MYLK4: variants seen among roughly 807,000 people sequenced by gnomAD.
MYLK4 encodes myosin light chain kinase family member 4, also known as caMLCK like.
MYLK4 carries 46 observed loss-of-function variants against 48.1 expected under a neutral mutation model. The ratio of observed to expected loss-of-function variants is 0.96; its 90% CI spans 0.75 to 1.22. The LOEUF is 1.22. Among genes scored for constraint, MYLK4 ranks in the 50% most tolerant of loss-of-function variants. The pLI, the probability that MYLK4 is intolerant of heterozygous loss-of-function variation, is 0.00. For synonymous variants in MYLK4, 170 were observed against 180.8 expected, an observed-to-expected ratio of 0.94 and a Z score of 0.48; for missense variants, 451 against 486.1, an observed-to-expected ratio of 0.93 and a Z score of 0.68.
chr6:2,701,602 T>C (rs1172834511), intron 2 of MYLK4, among the ~76,000 whole-genome samples: 1 of 152,230 alleles, frequency 6.6e-6, no homozygotes, highest in Non-Finnish European at 1.5e-5. Context: ...TCTTCAAAAA[T>C]GTCTCTGAAT....
At position 2,723,061 on chromosome 6, in the gene MYLK4, G is replaced by A. The variant is rs184804654; in HGVS notation, c.159+26075C>T. 1.8e-3 allele frequency among the ~76,000 whole-genome samples: 272 copies of A among 152,220 alleles called. 3 individuals are homozygous for A. Among genetic ancestry groups the A allele is most frequent in the East Asian group, 1.2e-3 (6 of 5,180 alleles). ...GATCCCAGCACTTTGGGAGGCTGAG[G>A]GGGGAGGATTGCATGAGCTCAGGAA... On this transcript the variant is annotated intron_variant, in intron 2 of 12. Transcript: ENST00000274643.
chr6:2,706,987 T>G (rs1169644254), intron 2 of MYLK4, among the ~76,000 whole-genome samples: 3 of 152,194 alleles, frequency 2.0e-5, no homozygotes, highest in Non-Finnish European at 4.4e-5. Context: ...GCTGCGTCTT[T>G]CTCAAAGTGC....
intron 2 of MYLK4, among the ~76,000 whole-genome samples, chr6:2,747,490 T>C (rs1333462563): frequency 1.3e-5 from 2 of 152,100 alleles, no homozygotes; most frequent in African/African-American, 4.8e-5. Flanking sequence ...GGACTACAGA[T>C]GTGTGCCACC....
rs56959282 is a variant in MYLK4 at position 2,699,287 on chromosome 6, C to CTTTTTTTTTTTTTTTTTT, written c.160-6446_160-6429dup. Among the ~76,000 whole-genome samples, 241 of 77,890 alleles carry CTTTTTTTTTTTTTTTTTT rather than the reference C, an allele frequency of 3.1e-3. 21 individuals are homozygous for CTTTTTTTTTTTTTTTTTT. Among genetic ancestry groups the CTTTTTTTTTTTTTTTTTT allele is most frequent in the East Asian group, 3.9e-3 (8 of 2,032 alleles). 51.1% of individuals were successfully genotyped at this position (77,890 alleles called of 152,430 possible). ...CATGCTACCACTTTTCTTTTCTTTT[C>CTTTTTTTTTTTTTTTTTT]TTTTTTTTTTTTTTTTTTTTTTGAT... On this transcript the variant is annotated intron_variant, in intron 2 of 12. Transcript: ENST00000274643.
upstream of MYLK4, among the ~76,000 whole-genome samples, chr6:2,753,870 T>A (rs1764357656): frequency 6.6e-6 from 1 of 150,628 alleles, no homozygotes; most frequent in East Asian, 1.9e-4. Flanking sequence ...ATGAAAAAAA[T>A]AAAAGATAGG....
rs139078485 is a variant in MYLK4, at chr6:2,695,443, T to C, written c.160-2584A>G. On this transcript the variant is annotated intron_variant, in intron 2 of 12. Transcript: ENST00000274643. ...TGAGTATCAGGTGGAAAAGTCCACA[T>C]GCTAACCCAATATTCTTTGGGTTCG... 2.9e-4 allele frequency among the ~76,000 whole-genome samples: 44 copies of C among 152,332 alleles called. No homozygotes were observed. In the East Asian group the frequency reaches 7.9e-3, roughly 27 times the overall value.
At chr6:2,765,616 G>C in the MYLK4 span, 1 of 1,514,704 alleles carries the variant, frequency 6.6e-7, no homozygotes, top group Non-Finnish European at 8.8e-7. Flanking sequence ...GGAGGGCGGC[G>C]GCCGCCATGG....
chr6:2,691,378 G>A (rs1201284748), intron 3 of MYLK4, among the ~76,000 whole-genome samples: 1 of 152,166 alleles, frequency 6.6e-6, no homozygotes, highest in African/African-American at 2.4e-5. Context: ...GACCACACAA[G>A]TGGTTTGATA....
At chr6:2,765,009 C>T in the MYLK4 span, among the ~76,000 whole-genome samples, 831 of 152,260 alleles carry the variant, frequency 5.5e-3, 9 homozygotes, top group African/African-American at 0.018. Context: ...CTGCTTGTCC[C>T]CACAGGCCCA....
At chr6:2,686,067 CAAA>C (rs35091208) in intron 4 of MYLK4, among the ~76,000 whole-genome samples, 7 of 119,220 alleles carry the variant, frequency 5.9e-5, no homozygotes, top group Admixed American at 1.7e-4. Context: ...GAATCCATCT[CAAA>C]AAAAAAAAAA....
intron 2 of MYLK4, among the ~76,000 whole-genome samples, chr6:2,731,887 G>A (rs1233173589): frequency 6.6e-6 from 1 of 152,226 alleles, no homozygotes; most frequent in African/African-American, 2.4e-5. Context: ...AAGAGCAAGT[G>A]GCAGCAAGTA....
chr6:2,753,767 G>GA (rs552732031), upstream of MYLK4, among the ~76,000 whole-genome samples: 910 of 151,558 alleles, frequency 6.0e-3, 4 homozygotes, highest in Non-Finnish European at 8.8e-3. Flanking sequence ...ATAAGCACAT[G>GA]AAAAAAAATG....
chr6:2,726,655 C>T (rs1413938161), intron 2 of MYLK4, among the ~76,000 whole-genome samples: 1 of 145,934 alleles, frequency 6.9e-6, no homozygotes, highest in Non-Finnish European at 1.5e-5. Flanking sequence ...TCTTGTTGCC[C>T]AGGCTGGAGT....
At chr6:2,767,434 T>C in the MYLK4 span, among the ~76,000 whole-genome samples, 23 of 152,258 alleles carry the variant, frequency 1.5e-4, no homozygotes, top group African/African-American at 5.3e-4. Flanking sequence ...TTTTTCTTTC[T>C]AGCTTTATCT....
the MYLK4 span, among the ~76,000 whole-genome samples, chr6:2,764,264 AC>A: frequency 1.3e-5 from 2 of 152,128 alleles, no homozygotes; most frequent in Non-Finnish European, 2.9e-5. Flanking sequence ...ACAACTCTTA[AC>A]CAGCCAGCCA....
the MYLK4 span, chr6:2,765,825 G>A: frequency 7.3e-7 from 1 of 1,361,036 alleles, no homozygotes; most frequent in Non-Finnish European, 9.4e-7. Context: ...TCGCCGCCCG[G>A]CGCCAAGAGG....
chr6:2,758,966 C>T, the MYLK4 span, among the ~76,000 whole-genome samples: 1 of 152,180 alleles, frequency 6.6e-6, no homozygotes, highest in Non-Finnish European at 1.5e-5. Context: ...AATGTATACA[C>T]AAGTTTACAC....
intron 6 of MYLK4, among the ~76,000 whole-genome samples, chr6:2,683,450 C>A (rs192223909): frequency 6.1e-4 from 86 of 141,540 alleles, no homozygotes; most frequent in Admixed American, 8.2e-4. Flanking sequence ...GATGGAGTCT[C>A]GCTGTGTCGC....
intron 2 of MYLK4, among the ~76,000 whole-genome samples, chr6:2,738,373 G>A (rs1763773830): frequency 6.6e-6 from 1 of 152,158 alleles, no homozygotes; most frequent in Admixed American, 6.5e-5. Flanking sequence ...GAGCATGCTG[G>A]CAAACTGCAT....
Sources: gnomAD v4.1 joint callset for allele counts (sites outside exome capture counted in the v4.1 genomes callset) on GRCh38, gnomAD v4.1.1 for gene constraint, MANE v1.5 for transcripts, NCBI Gene and HGNC (gene_info 2026-07-23, HGNC 2026-07-21) for gene names.